DYSF: variants seen among roughly 807,000 people sequenced by gnomAD.
The protein encoded by DYSF is dysferlin, also known as dystrophy-associated fer-1-like 1.
In DYSF, 212 loss-of-function variants were observed where a neutral mutation model predicts 274.9. The ratio of observed to expected loss-of-function variants is 0.77; its 90% CI spans 0.69 to 0.86. The LOEUF is 0.86. Among genes scored for constraint, DYSF ranks in the 40% least tolerant of loss-of-function variants. The probability of loss-of-function intolerance (pLI) is 0.00; values close to 1 mark genes in which losing one functional copy is unlikely to be tolerated. For synonymous variants in DYSF, 1,091 were observed against 1,078.7 expected, an observed-to-expected ratio of 1.01 and a Z score of -0.22; for missense variants, 2,666 against 2,783.2, an observed-to-expected ratio of 0.96 and a Z score of 0.95.
intron 41 of DYSF, among the ~76,000 whole-genome samples, chr2:71,622,413 C>T (rs1357107973): frequency 2.6e-5 from 4 of 152,032 alleles, no homozygotes; most frequent in Non-Finnish European, 4.4e-5. Flanking sequence ...TAATGATAAA[C>T]GTGTTAGTTT....
chr2:71,480,110 A>G (rs1287631182), intron 1 of DYSF, among the ~76,000 whole-genome samples: 1 of 152,176 alleles, frequency 6.6e-6, no homozygotes, highest in Non-Finnish European at 1.5e-5. Context: ...CCCTGGAAAC[A>G]ACTAATCTGC....
At chr2:71,605,078 C>T (rs149859901) in intron 36 of DYSF, among the ~76,000 whole-genome samples, 721 of 152,282 alleles carry the variant, frequency 4.7e-3, no homozygotes, top group Non-Finnish European at 7.2e-3. Context: ...TCTGGGTCCT[C>T]GCAGACAGAG....
At chr2:71,528,827 G>A (rs1172259273) in intron 14 of DYSF, among the ~76,000 whole-genome samples, 1 of 152,176 alleles carries the variant, frequency 6.6e-6, no homozygotes, top group Non-Finnish European at 1.5e-5. Context: ...CCCCTCTGGT[G>A]GGCACCCTAG....
chr2:71,616,179 GT>G (rs1386054464), intron 40 of DYSF, among the ~76,000 whole-genome samples: 7 of 152,144 alleles, frequency 4.6e-5, no homozygotes, highest in African/African-American at 1.7e-4. Context: ...TTCTAGAAAT[GT>G]TTTGGTTTGT....
At chr2:71,555,891 G>T (rs540892792) in intron 21 of DYSF, 74 bp from the exon 22 acceptor site, 29 of 1,208,640 alleles carry the variant, frequency 2.4e-5, no homozygotes, top group Middle Eastern at 2.0e-4. Flanking sequence ...CAGTGACAAG[G>T]CCTGGGGGTT....
intron 3 of DYSF, among the ~76,000 whole-genome samples, chr2:71,494,534 TG>T (rs1254898285): frequency 6.6e-6 from 1 of 152,182 alleles, no homozygotes; most frequent in East Asian, 1.9e-4. Flanking sequence ...CTTACCATGA[TG>T]GGTATGAGCT....
intron 16 of DYSF, among the ~76,000 whole-genome samples, chr2:71,537,152 T>C (rs1164066542): frequency 6.6e-6 from 1 of 151,812 alleles, no homozygotes; most frequent in African/African-American, 2.4e-5. Context: ...ACAAATGCCA[T>C]TAACTGTCAC....
At chr2:71,619,219 C>T (rs1422238839) in intron 40 of DYSF, among the ~76,000 whole-genome samples, 1 of 152,054 alleles carries the variant, frequency 6.6e-6, no homozygotes, top group Non-Finnish European at 1.5e-5. Flanking sequence ...TGCTGCCTGG[C>T]GAGGCCCGTC....
chr2:71,675,227 G>A (rs886343296), intron 52 of DYSF, among the ~76,000 whole-genome samples: 1 of 152,154 alleles, frequency 6.6e-6, no homozygotes, highest in African/African-American at 2.4e-5. Context: ...ATTAGATGGT[G>A]GTGAAGGTTG....
At chr2:71,585,631 G>A (rs762531738) in intron 30 of DYSF, among the ~76,000 whole-genome samples, 1 of 152,184 alleles carries the variant, frequency 6.6e-6, no homozygotes, top group Non-Finnish European at 1.5e-5. Flanking sequence ...GGGCCGGCCT[G>A]TGTCATCTGC....
At chr2:71,571,556 GCACAGATCACACCCACCACA>G (rs2092454609) in intron 29 of DYSF, among the ~76,000 whole-genome samples, 2 of 35,048 alleles carry the variant, frequency 5.7e-5, no homozygotes, top group African/African-American at 1.2e-4. Context: ...CCCAGCACAC[GCACAGATCACACCCACCACA>G]CACAGATCAC....
intron 17 of DYSF, among the ~76,000 whole-genome samples, chr2:71,550,244 C>T (rs2090833403): frequency 6.6e-6 from 1 of 152,218 alleles, no homozygotes; most frequent in South Asian, 2.1e-4. Context: ...CAGAGCATGG[C>T]CAGTAAAGTC....
At chr2:71,663,734 C>G (rs2094943756) in intron 45 of DYSF, among the ~76,000 whole-genome samples, 1 of 152,198 alleles carries the variant, frequency 6.6e-6, no homozygotes, top group Non-Finnish European at 1.5e-5. Context: ...CCCTCCATCC[C>G]ATCCCAGAAG....
intron 41 of DYSF, among the ~76,000 whole-genome samples, chr2:71,642,821 G>C (rs550162115): frequency 6.6e-6 from 1 of 152,352 alleles, no homozygotes; most frequent in South Asian, 2.1e-4. Flanking sequence ...GTAAGCTGGA[G>C]CTCAGAGCAC....
At chr2:71,484,441 C>T (rs12992415) in intron 3 of DYSF, among the ~76,000 whole-genome samples, 13,688 of 152,210 alleles carry the variant, frequency 0.09, 731 homozygotes, top group Admixed American at 0.17. Flanking sequence ...CTGACACAGG[C>T]ATAATGTATA....
rs538627697 is a variant in DYSF, at chr2:71,488,375, G to A, written c.239+6405G>A. 3.9e-5 allele frequency among the ~76,000 whole-genome samples: 6 copies of A among 152,200 alleles called. No individual in the cohort carries two copies. The East Asian group carries it at 1.2e-3, about 29-fold the overall frequency. On this transcript the variant is annotated intron_variant, in intron 3 of 55. Coordinates refer to ENST00000410020, the MANE Select transcript of DYSF (RefSeq NM_001130987.2). ...ATGTTTGGTAAATATAAACATGGAA[G>A]CAAAAATCTCCATGGGGTCAAAACA...
chr2:71,456,994 G>C (rs2081093528), intron 1 of DYSF, among the ~76,000 whole-genome samples: 2 of 152,140 alleles, frequency 1.3e-5, no homozygotes, highest in African/African-American at 4.8e-5. Context: ...TGAAACAATT[G>C]ACCAAAAGAT....
rs139555426 is a variant in DYSF at position 71,491,814 on chromosome 2, C to T, written c.239+9844C>T. 3.4e-3 allele frequency among the ~76,000 whole-genome samples: 512 copies of T among 152,288 alleles called. 2 individuals carry two copies. The highest frequency in any genetic ancestry group is 0.011 in the African/African-American group (476 of 41,554). ...ACGTTTTCTTTATCCAGTCTATCAT[C>T]GATGGGCATTTAGGTTGATTCTATG... On this transcript the variant is annotated intron_variant, in intron 3 of 55. Coordinates refer to ENST00000410020, the MANE Select transcript of DYSF (RefSeq NM_001130987.2).
intron 40 of DYSF, among the ~76,000 whole-genome samples, chr2:71,617,628 ATGTGTGTGGCAGAGGTGGTG>A (rs771608575): frequency 1.4e-4 from 8 of 55,414 alleles, no homozygotes; most frequent in Non-Finnish European, 2.9e-4. Flanking sequence ...GGTAGAGGTG[ATGTGTGTGGCAGAGGTGGTG>A]TGTGTGTGGC....
Sources: gnomAD v4.1 joint callset for allele counts (sites outside exome capture counted in the v4.1 genomes callset) on GRCh38, gnomAD v4.1.1 for gene constraint, MANE v1.5 for transcripts, NCBI Gene and HGNC (gene_info 2026-07-23, HGNC 2026-07-21) for gene names.